RBMS3: variants seen among roughly 807,000 people sequenced by gnomAD.
The protein encoded by RBMS3 is RNA-binding motif, single-stranded-interacting protein 3.
In RBMS3, 27 loss-of-function variants were observed where a neutral mutation model predicts 66.8. The observed-to-expected ratio is 0.40, with a 90% CI of 0.30 to 0.56. The LOEUF is 0.56. Among genes scored for constraint, RBMS3 ranks in the 20% least tolerant of loss-of-function variants. The pLI is 0.40. For missense variants in RBMS3, 513 were observed against 549.5 expected, an observed-to-expected ratio of 0.93 and a Z score of 0.66; for synonymous variants, 188 against 183.0, an observed-to-expected ratio of 1.03 and a Z score of -0.22.
At chr3:29,440,791 C>G (rs2041590546) in intron 2 of RBMS3, among the ~76,000 whole-genome samples, 1 of 152,168 alleles carries the variant, frequency 6.6e-6, no homozygotes, top group South Asian at 2.1e-4. Context: ...AAGTGCCATC[C>G]AGGCTCCGAG....
At chr3:29,872,069 T>C (rs909982109) in intron 7 of RBMS3, among the ~76,000 whole-genome samples, 6 of 152,124 alleles carry the variant, frequency 3.9e-5, no homozygotes, top group African/African-American at 1.4e-4. Flanking sequence ...ATTGGAACTC[T>C]GAATAAAATG....
chr3:29,720,149 C>G (rs1164380759), intron 4 of RBMS3, among the ~76,000 whole-genome samples: 1 of 152,082 alleles, frequency 6.6e-6, no homozygotes, highest in Non-Finnish European at 1.5e-5. Flanking sequence ...TTTTATTTAC[C>G]CAGGATGCAG....
chr3:29,419,154 C>A (rs888497197), intron 1 of RBMS3, among the ~76,000 whole-genome samples: 1 of 152,142 alleles, frequency 6.6e-6, no homozygotes, highest in Admixed American at 6.5e-5. Flanking sequence ...CTCCTATACT[C>A]TTAATACAGG....
intron 3 of RBMS3, chr3:29,526,419 G>T (rs1245648914): frequency 1.3e-5 from 2 of 151,052 alleles, no homozygotes; most frequent in South Asian, 2.1e-4. Context: ...TACTCAGGAG[G>T]CTGAGGCAGG....
At position 29,868,825 on chromosome 3, in the gene RBMS3, TG is replaced by T. The variant is rs757931752; in HGVS notation, c.638-32del. ...AATCACTTAGTTTTTAAGGGGGAGT[TG>T]TTAATGTAGAATTGGTTTCTTATCT... On this transcript the variant is annotated intron_variant, in intron 6 of 14. Transcript: ENST00000383767. The T allele has an allele frequency of 3.3e-6, 5 of 1,530,162 alleles. No individual in the cohort carries two copies. The Admixed American group carries it at 7.6e-5, about 23-fold the overall frequency. The allele number at this position is 1,530,162 out of a possible 1,614,324, so 94.8% of individuals were successfully genotyped here.
intron 3 of RBMS3, among the ~76,000 whole-genome samples, chr3:29,515,268 T>C (rs139132185): frequency 1.3e-5 from 2 of 152,168 alleles, no homozygotes; most frequent in Non-Finnish European, 2.9e-5. Flanking sequence ...AGCATGGAAA[T>C]GGCAGAAAGT....
At chr3:29,345,514 GC>G (rs1269734335) in intron 1 of RBMS3, among the ~76,000 whole-genome samples, 5 of 151,798 alleles carry the variant, frequency 3.3e-5, no homozygotes, top group African/African-American at 1.2e-4. Context: ...TTCCCCCATT[GC>G]TTTTATGGGG....
chr3:29,842,340 A>G (rs1467739880), intron 6 of RBMS3, among the ~76,000 whole-genome samples: 2 of 152,172 alleles, frequency 1.3e-5, no homozygotes, highest in African/African-American at 4.8e-5. Flanking sequence ...TTCATTCATC[A>G]GTACTAACTG....
chr3:29,484,043 C>T (rs890919277), intron 2 of RBMS3, among the ~76,000 whole-genome samples: 6 of 152,196 alleles, frequency 3.9e-5, no homozygotes, highest in African/African-American at 9.6e-5. Flanking sequence ...CTCTTTGTAA[C>T]ACTGTGAGAC....
At chr3:29,579,465 G>T (rs191492080) in intron 3 of RBMS3, among the ~76,000 whole-genome samples, 83 of 152,286 alleles carry the variant, frequency 5.5e-4, no homozygotes, top group African/African-American at 1.9e-3. Flanking sequence ...AAGGGGGAGG[G>T]AAGAATGGGA....
chr3:29,603,261 T>C (rs1043133673), intron 4 of RBMS3, among the ~76,000 whole-genome samples: 1 of 151,998 alleles, frequency 6.6e-6, no homozygotes, highest in Non-Finnish European at 1.5e-5. Flanking sequence ...GAGCCTAATT[T>C]ATTAAAATCA....
intron 1 of RBMS3, among the ~76,000 whole-genome samples, chr3:29,359,692 G>A (rs1180414229): frequency 6.6e-6 from 1 of 151,952 alleles, no homozygotes; most frequent in Non-Finnish European, 1.5e-5. Context: ...TTTTTTGCTT[G>A]GTAAGCTACT....
intron 2 of RBMS3, among the ~76,000 whole-genome samples, chr3:29,474,972 C>T (rs1360855466): frequency 6.6e-6 from 1 of 152,088 alleles, no homozygotes; most frequent in Non-Finnish European, 1.5e-5. Flanking sequence ...TGGGGAAAAA[C>T]TGATATAGTA....
At chr3:29,921,355 G>C (rs372689142) in intron 10 of RBMS3, among the ~76,000 whole-genome samples, 3 of 151,802 alleles carry the variant, frequency 2.0e-5, no homozygotes, top group African/African-American at 7.3e-5. Context: ...TCGAGCCGCA[G>C]CACCTGGTTT....
intron 3 of RBMS3, among the ~76,000 whole-genome samples, chr3:29,571,313 A>T (rs1414771652): frequency 6.6e-6 from 1 of 152,058 alleles, no homozygotes; most frequent in Non-Finnish European, 1.5e-5. Flanking sequence ...CACTGTGCAG[A>T]AGCTTTTTAA....
intron 3 of RBMS3, among the ~76,000 whole-genome samples, chr3:29,559,510 C>CAAAAAAAAAAAAAAAAAAA (rs553520590): frequency 4.8e-5 from 2 of 41,338 alleles, no homozygotes; most frequent in African/African-American, 1.5e-4. Context: ...GACTCTGTCT[C>CAAAAAAAAAAAAAAAAAAA]AAAAAAAAAA....
At chr3:29,943,511 C>T (rs2061439470) in intron 11 of RBMS3, among the ~76,000 whole-genome samples, 1 of 151,730 alleles carries the variant, frequency 6.6e-6, no homozygotes, top group South Asian at 2.1e-4. Context: ...GAAATGATTG[C>T]CATGTAGTTT....
chr3:29,543,002 C>T (rs2149015505), intron 3 of RBMS3, among the ~76,000 whole-genome samples: 1 of 152,156 alleles, frequency 6.6e-6, no homozygotes, highest in African/African-American at 2.4e-5. Context: ...GGGTTATAGT[C>T]ACTGTGGGAA....
chr3:29,804,724 C>T (rs2057489148), intron 6 of RBMS3, among the ~76,000 whole-genome samples: 1 of 151,946 alleles, frequency 6.6e-6, no homozygotes, highest in Non-Finnish European at 1.5e-5. Flanking sequence ...TAATTTCTTC[C>T]TTGTCAAAAA....
Sources: allele counts gnomAD v4.1 joint callset (sites outside exome capture counted in the v4.1 genomes callset), GRCh38; gene constraint gnomAD v4.1.1; transcripts MANE v1.5; gene names NCBI Gene and HGNC (gene_info 2026-07-23, HGNC 2026-07-21).